The following ATRNL1 variants were observed in gnomAD, a reference collection of about 807,000 sequenced individuals.
ATRNL1 encodes the protein attractin-like protein 1.
In ATRNL1, 95 loss-of-function variants were observed where a neutral mutation model predicts 182.7. That is an observed-to-expected ratio of 0.52 (90% CI 0.44 to 0.62). The LOEUF (loss-of-function observed/expected upper bound fraction) is 0.62. Ranked by LOEUF, ATRNL1 falls within the 20% of genes least tolerant of loss-of-function variation. ATRNL1 has a pLI of 0.00. For missense variants in ATRNL1, 1,471 were observed against 1,679.5 expected (o/e 0.88, Z 2.17); for synonymous variants, 576 against 568.3 (o/e 1.01, Z -0.19).
At chr10:115,902,288 T>A (rs1952378046) in intron 28 of ATRNL1, among the ~76,000 whole-genome samples, 1 of 152,192 alleles carries the variant, frequency 6.6e-6, no homozygotes, top group Non-Finnish European at 1.5e-5. Flanking sequence ...CCCTTTAATC[T>A]TGATGTACTT....
chr10:115,831,341 A>G (rs782580243), intron 27 of ATRNL1, among the ~76,000 whole-genome samples: 5 of 152,168 alleles, frequency 3.3e-5, no homozygotes, highest in Admixed American at 6.6e-5. Context: ...CATATTTGCA[A>G]GAGTGTACAG....
chr10:115,932,688 A>G (rs1555121914), intron 28 of ATRNL1, among the ~76,000 whole-genome samples: 1 of 152,194 alleles, frequency 6.6e-6, no homozygotes, highest in Non-Finnish European at 1.5e-5. Context: ...AGATCATTGT[A>G]TATTTTCTAT....
At chr10:115,611,921 C>G (rs1857178850) in intron 26 of ATRNL1, among the ~76,000 whole-genome samples, 1 of 151,852 alleles carries the variant, frequency 6.6e-6, no homozygotes, top group South Asian at 2.1e-4. Flanking sequence ...CATTACAAGG[C>G]CAAAAATTAT....
At chr10:115,431,956 A>T (rs1846188000) in intron 21 of ATRNL1, among the ~76,000 whole-genome samples, 2 of 152,130 alleles carry the variant, frequency 1.3e-5, no homozygotes, top group Non-Finnish European at 2.9e-5. Context: ...GTTTATTACA[A>T]ATATACTAAT....
chr10:115,255,428 ACT>A (rs1163873265), intron 10 of ATRNL1, among the ~76,000 whole-genome samples: 2 of 151,180 alleles, frequency 1.3e-5, no homozygotes, highest in Non-Finnish European at 3.0e-5. Context: ...TCATGATTTG[ACT>A]CTCTGTTTGT....
chr10:115,691,459 C>T (rs896129756), intron 26 of ATRNL1, among the ~76,000 whole-genome samples: 69 of 152,286 alleles, frequency 4.5e-4, no homozygotes, highest in African/African-American at 1.6e-3. Context: ...TGATGGCTCA[C>T]GCCTGTAATT....
At chr10:115,149,456 A>T (rs1393448690) in intron 5 of ATRNL1, among the ~76,000 whole-genome samples, 2 of 152,040 alleles carry the variant, frequency 1.3e-5, no homozygotes, top group Non-Finnish European at 2.9e-5. Context: ...CTGTAACAGT[A>T]TGATATTAAC....
chr10:115,902,927 A>G (rs1353574844), intron 28 of ATRNL1, among the ~76,000 whole-genome samples: 1 of 152,194 alleles, frequency 6.6e-6, no homozygotes, highest in Non-Finnish European at 1.5e-5. Flanking sequence ...TTAATTTTCA[A>G]GGAAGCCCAG....
intron 28 of ATRNL1, among the ~76,000 whole-genome samples, chr10:115,855,983 G>A (rs564443156): frequency 6.6e-6 from 1 of 152,158 alleles, no homozygotes; most frequent in South Asian, 2.1e-4. Context: ...GTTTGAAAGA[G>A]CCCAACTCAA....
intron 27 of ATRNL1, among the ~76,000 whole-genome samples, chr10:115,789,535 G>A (rs572727842): frequency 2.4e-4 from 36 of 152,272 alleles, no homozygotes; most frequent in South Asian, 1.5e-3. Flanking sequence ...CAACTGCGGG[G>A]GTTGTGCGCA....
intron 26 of ATRNL1, among the ~76,000 whole-genome samples, chr10:115,651,228 G>T (rs781941152): frequency 8.0e-4 from 122 of 152,092 alleles, no homozygotes; most frequent in Middle Eastern, 3.4e-3. Flanking sequence ...TAGACGTGGA[G>T]TGAGAGAAGA....
At chr10:115,638,662 C>T (rs960226204) in intron 26 of ATRNL1, among the ~76,000 whole-genome samples, 4 of 152,102 alleles carry the variant, frequency 2.6e-5, no homozygotes, top group African/African-American at 7.2e-5. Flanking sequence ...AACTAAAAAC[C>T]GCTCTTTGGA....
intron 19 of ATRNL1, among the ~76,000 whole-genome samples, chr10:115,340,328 C>T (rs770515234): frequency 2.6e-5 from 4 of 151,712 alleles, no homozygotes; most frequent in Admixed American, 6.6e-5. Flanking sequence ...TTTTTAGTAG[C>T]GATGGAGTTT....
At chr10:115,214,460 T>G (rs1402402647) in intron 8 of ATRNL1, among the ~76,000 whole-genome samples, 1 of 152,118 alleles carries the variant, frequency 6.6e-6, no homozygotes. Flanking sequence ...TAACATAGAT[T>G]AAGTACCAGT....
At chr10:115,323,350 CTCT>C (rs1554932073) in intron 18 of ATRNL1, among the ~76,000 whole-genome samples, 21 of 150,662 alleles carry the variant, frequency 1.4e-4, no homozygotes, top group Non-Finnish European at 3.0e-4. Context: ...TGTTGATATT[CTCT>C]ATTTGATGAG....
chr10:115,395,543 T>G (rs1844246039), intron 20 of ATRNL1, among the ~76,000 whole-genome samples: 1 of 151,914 alleles, frequency 6.6e-6, no homozygotes, highest in Admixed American at 6.6e-5. Context: ...ATACCTAATA[T>G]AATGTCTCTA....
At chr10:115,584,562 G>A (rs1855374402) in intron 26 of ATRNL1, among the ~76,000 whole-genome samples, 1 of 137,056 alleles carries the variant, frequency 7.3e-6, no homozygotes, top group African/African-American at 2.5e-5. Flanking sequence ...ATTCTCTGAT[G>A]GTAGTTTGTA....
intron 28 of ATRNL1, among the ~76,000 whole-genome samples, chr10:115,917,602 T>G (rs1952910365): frequency 6.6e-6 from 1 of 152,228 alleles, no homozygotes. Flanking sequence ...TTGTTTGTGT[T>G]GTTTTCAACG....
chr10:115,441,654 T>A (rs1305901949), intron 21 of ATRNL1, among the ~76,000 whole-genome samples: 2 of 152,010 alleles, frequency 1.3e-5, no homozygotes, highest in African/African-American at 4.8e-5. Flanking sequence ...CTGTTTGATA[T>A]CATCATTTAG....
Sources: allele counts gnomAD v4.1 joint callset (sites outside exome capture counted in the v4.1 genomes callset), GRCh38; gene constraint gnomAD v4.1.1; transcripts MANE v1.5; gene names NCBI Gene and HGNC (gene_info 2026-07-23, HGNC 2026-07-21).